Variants in ENTPD1 observed in about 807,000 individuals in gnomAD.
ENTPD1 encodes ectonucleoside triphosphate diphosphohydrolase 1.
A neutral mutation model predicts 57.0 loss-of-function variants in ENTPD1; 33 were observed. The observed-to-expected ratio is 0.58, with a 90% CI of 0.44 to 0.77. ENTPD1 has a LOEUF of 0.77. Among genes scored for constraint, ENTPD1 ranks in the 30% least tolerant of loss-of-function variants. The pLI, the probability that ENTPD1 is intolerant of heterozygous loss-of-function variation, is 0.00. For missense variants in ENTPD1, 501 were observed against 603.4 expected, an observed-to-expected ratio of 0.83 and a Z score of 1.78; for synonymous variants, 202 against 218.8, an observed-to-expected ratio of 0.92 and a Z score of 0.68.
intron 1 of ENTPD1, among the ~76,000 whole-genome samples, chr10:95,760,686 G>T (rs994610839): frequency 6.6e-6 from 1 of 152,018 alleles, no homozygotes; most frequent in Admixed American, 6.6e-5. Flanking sequence ...TTGTTTCTCC[G>T]CTCTTTATAA....
At chr10:95,760,138 C>T (rs1056591551) in intron 1 of ENTPD1, among the ~76,000 whole-genome samples, 1 of 152,052 alleles carries the variant, frequency 6.6e-6, no homozygotes, top group African/African-American at 2.4e-5. Flanking sequence ...TGCACTCCAG[C>T]CTGGGCAACA....
the ENTPD1 span, among the ~76,000 whole-genome samples, chr10:95,704,306 G>T: frequency 6.6e-6 from 1 of 152,168 alleles, no homozygotes; most frequent in East Asian, 1.9e-4. Flanking sequence ...AAATTTACGT[G>T]TAATTTCAAA....
intron 1 of ENTPD1, among the ~76,000 whole-genome samples, chr10:95,814,122 G>A (rs1566186071): frequency 1.3e-5 from 2 of 152,332 alleles, no homozygotes; most frequent in South Asian, 2.1e-4. Context: ...TTTTGGCTGG[G>A]ACACAGGGAA....
chr10:95,842,586 A>G, intron 4 of ENTPD1, 92 bp downstream of exon 4: 4 of 1,445,900 alleles, frequency 2.8e-6, no homozygotes, highest in Non-Finnish European at 3.8e-6. Context: ...ACACTCCCTA[A>G]TACCCCAAGT....
intron 2 of ENTPD1, among the ~76,000 whole-genome samples, chr10:95,827,978 A>C (rs1395994132): frequency 6.6e-6 from 1 of 152,148 alleles, no homozygotes; most frequent in Admixed American, 6.6e-5. Context: ...AAGCCTTAGA[A>C]ATGGATGAGG....
intron 1 of ENTPD1, among the ~76,000 whole-genome samples, chr10:95,734,060 A>G (rs2097991951): frequency 6.6e-6 from 1 of 151,896 alleles, no homozygotes; most frequent in South Asian, 2.1e-4. Context: ...GAGATGCTCC[A>G]CTCCAAGCAC....
chr10:95,763,490 G>A (rs2098075448), intron 1 of ENTPD1, among the ~76,000 whole-genome samples: 1 of 152,168 alleles, frequency 6.6e-6, no homozygotes, highest in Non-Finnish European at 1.5e-5. Context: ...GTAAATCTAT[G>A]AACACTTGTG....
At chr10:95,846,291 A>T (rs2098435557) in intron 6 of ENTPD1, 1 of 152,684 alleles carries the variant, frequency 6.5e-6, no homozygotes, top group Non-Finnish European at 1.5e-5. Flanking sequence ...AGAAAGGAGA[A>T]TCACTTGAAC....
chr10:95,717,935 G>A (rs532262250), intron 1 of ENTPD1, among the ~76,000 whole-genome samples: 6 of 152,302 alleles, frequency 3.9e-5, no homozygotes, highest in East Asian at 1.9e-4. Flanking sequence ...TTACAGCTTC[G>A]ATTCTGGAAG....
Position 95,866,785 on chromosome 10 carries a change from A to G in ENTPD1, c.*402A>G. ...GAATCTCAGGAACTGGTTCAGTTGT[A>G]CTCTTTAAGAACCCCTTTCTCTCTC... On this transcript the variant is annotated 3_prime_UTR_variant, in exon 10 of 10. Coordinates refer to ENST00000371205, the MANE Select transcript of ENTPD1 (RefSeq NM_001776.6). 9.1e-7 allele frequency: 1 copy of G among 1,098,794 alleles called. No individual in the cohort carries two copies. Among genetic ancestry groups the G allele is most frequent in the Non-Finnish European group, 1.1e-6 (1 of 897,234 alleles). 68.1% of individuals were successfully genotyped at this position (1,098,794 alleles called of 1,614,324 possible).
chr10:95,856,584 G>A (rs538346499), intron 7 of ENTPD1, among the ~76,000 whole-genome samples: 2 of 151,324 alleles, frequency 1.3e-5, no homozygotes, highest in South Asian at 4.2e-4. Flanking sequence ...CAAAAATATG[G>A]AACCAGTCCA....
chr10:95,706,905 G>A (rs1456801595), upstream of ENTPD1, among the ~76,000 whole-genome samples: 10 of 152,182 alleles, frequency 6.6e-5, no homozygotes. Context: ...CGGGTGTTCA[G>A]CCCAACCCCA....
upstream of ENTPD1, among the ~76,000 whole-genome samples, chr10:95,710,176 G>A (rs1024434634): frequency 6.6e-6 from 1 of 152,004 alleles, no homozygotes; most frequent in Non-Finnish European, 1.5e-5. Flanking sequence ...AGACGGAGGC[G>A]GACAGATCAC....
chr10:95,806,086 T>C (rs972410125), intron 1 of ENTPD1, among the ~76,000 whole-genome samples: 8 of 152,254 alleles, frequency 5.3e-5, no homozygotes, highest in Non-Finnish European at 8.8e-5. Flanking sequence ...TGAAGAGTGT[T>C]TTCCAACTTG....
chr10:95,725,768 G>A (rs1338320059), intron 1 of ENTPD1, among the ~76,000 whole-genome samples: 1 of 152,152 alleles, frequency 6.6e-6, no homozygotes, highest in East Asian at 1.9e-4. Flanking sequence ...TTCACTTTTT[G>A]CTAGCCTGTC....
At chr10:95,795,605 C>T (rs1309953544) in intron 1 of ENTPD1, among the ~76,000 whole-genome samples, 1 of 152,174 alleles carries the variant, frequency 6.6e-6, no homozygotes, top group East Asian at 1.9e-4. Context: ...ACAGAGCTCA[C>T]TGCGTCTTCA....
At chr10:95,815,827 A>G (rs948263080) in intron 1 of ENTPD1, among the ~76,000 whole-genome samples, 2 of 152,188 alleles carry the variant, frequency 1.3e-5, no homozygotes, top group African/African-American at 4.8e-5. Context: ...TAGAACAGGA[A>G]AGAAAGGAGA....
At chr10:95,861,218 C>T (rs554711472) in intron 8 of ENTPD1, 1 of 153,602 alleles carries the variant, frequency 6.5e-6, no homozygotes, top group East Asian at 1.9e-4. Context: ...CTGACACAGA[C>T]ACAATTGTGG....
At chr10:95,786,748 C>G (rs538194699) in intron 1 of ENTPD1, among the ~76,000 whole-genome samples, 1 of 152,264 alleles carries the variant, frequency 6.6e-6, no homozygotes, top group East Asian at 1.9e-4. Context: ...ATCTGGGAAA[C>G]TTAAAATTTT....
Sources: gnomAD v4.1 joint callset for allele counts (sites outside exome capture counted in the v4.1 genomes callset) on GRCh38, gnomAD v4.1.1 for gene constraint, MANE v1.5 for transcripts, NCBI Gene and HGNC (gene_info 2026-07-23, HGNC 2026-07-21) for gene names.